Variants in MACROD2 observed in about 807,000 individuals in gnomAD.
The protein encoded by MACROD2 is ADP-ribose glycohydrolase MACROD2.
In MACROD2, 36 loss-of-function variants were observed where a neutral mutation model predicts 70.4. The observed-to-expected ratio is 0.51, with a 90% CI of 0.39 to 0.68. The LOEUF (loss-of-function observed/expected upper bound fraction) is 0.68. Ranked by LOEUF, MACROD2 falls within the 30% of genes least tolerant of loss-of-function variation. The probability of loss-of-function intolerance (pLI) is 0.00; values close to 1 mark genes in which losing one functional copy is unlikely to be tolerated. For missense variants in MACROD2, 496 were observed against 538.4 expected, an observed-to-expected ratio of 0.92 and a Z score of 0.78; for synonymous variants, 172 against 178.8, an observed-to-expected ratio of 0.96 and a Z score of 0.30.
rs1601231663 is a variant in MACROD2 at position 15,965,755 on chromosome 20, G to A, written c.908-1798G>A. Reference sequence around the variant, plus strand: ...ACATCTTAGCTCCAAAATTAAAAGAGCATATTTTAATGGGAGCTGGTTTAA... The same window carrying A: ...ACATCTTAGCTCCAAAATTAAAAGAACATATTTTAATGGGAGCTGGTTTAA... On this transcript the variant is annotated intron_variant, in intron 12 of 17. Coordinates refer to ENST00000684519, the MANE Select transcript of MACROD2 (RefSeq NM_001351661.2). Among the ~76,000 whole-genome samples, 4 of 152,000 alleles carry A rather than the reference G, an allele frequency of 2.6e-5. 1 individual carries two copies. The highest frequency in any genetic ancestry group is 6.8e-3 in the Middle Eastern group (2 of 292).
chr20:15,521,979 C>T (rs2047659134), intron 8 of MACROD2, among the ~76,000 whole-genome samples: 1 of 152,180 alleles, frequency 6.6e-6, no homozygotes, highest in East Asian at 1.9e-4. Context: ...AGAATGGGGT[C>T]AGCAGGTTTA....
chr20:15,862,880 C>A, intron 9 of MACROD2, 54 bp downstream of exon 9: 1 of 1,303,094 alleles, frequency 7.7e-7, no homozygotes, highest in Non-Finnish European at 1.1e-6. Flanking sequence ...AGAAGTGGAG[C>A]CGTCACTTCT....
At chr20:15,359,463 C>T (rs949589793) in intron 6 of MACROD2, among the ~76,000 whole-genome samples, 3 of 151,598 alleles carry the variant, frequency 2.0e-5, no homozygotes, top group Non-Finnish European at 4.4e-5. Context: ...AAAAGAAATG[C>T]AATCTAAATA....
chr20:15,593,772 A>G (rs549832201), intron 8 of MACROD2, among the ~76,000 whole-genome samples: 17 of 152,210 alleles, frequency 1.1e-4, no homozygotes, highest in Non-Finnish European at 2.2e-4. Context: ...GCAGACTTTT[A>G]TTTGGAGCAT....
chr20:14,678,955 A>AG (rs1439452845), intron 4 of MACROD2, among the ~76,000 whole-genome samples: 1 of 152,068 alleles, frequency 6.6e-6, no homozygotes, highest in Non-Finnish European at 1.5e-5. Flanking sequence ...ATTATCAGAA[A>AG]AAAAAAAACA....
chr20:14,073,737 TTATAAA>T (rs2148662462), intron 2 of MACROD2, among the ~76,000 whole-genome samples: 1 of 152,332 alleles, frequency 6.6e-6, no homozygotes, highest in East Asian at 1.9e-4. Flanking sequence ...TTATAAACAA[TTATAAA>T]TGTAATCATT....
At chr20:15,888,022 G>C (rs561044631) in intron 10 of MACROD2, among the ~76,000 whole-genome samples, 2 of 152,126 alleles carry the variant, frequency 1.3e-5, no homozygotes, top group Non-Finnish European at 2.9e-5. Flanking sequence ...GCCCACAGTG[G>C]AATGTGCTCA....
intron 4 of MACROD2, among the ~76,000 whole-genome samples, chr20:14,520,944 C>G (rs543146035): frequency 9.1e-6 from 1 of 110,134 alleles, no homozygotes; most frequent in African/African-American, 3.7e-5. Flanking sequence ...CAGACATGCA[C>G]GCGTGCGTGC....
At chr20:15,980,031 T>C (rs957512445) in intron 13 of MACROD2, among the ~76,000 whole-genome samples, 3 of 152,170 alleles carry the variant, frequency 2.0e-5, no homozygotes, top group Admixed American at 1.3e-4. Flanking sequence ...AGATTTCACA[T>C]GAAAGGGTCG....
chr20:14,747,288 G>A (rs2071811671), intron 5 of MACROD2, among the ~76,000 whole-genome samples: 1 of 152,130 alleles, frequency 6.6e-6, no homozygotes, highest in South Asian at 2.1e-4. Context: ...GATTGTTTGG[G>A]CCAGGGGTTG....
At chr20:16,041,322 G>A in intron 16 of MACROD2, 44 bp downstream of exon 16, 1 of 1,496,414 alleles carries the variant, frequency 6.7e-7, no homozygotes, top group Non-Finnish European at 9.2e-7. Context: ...TACAAATCTG[G>A]CATATTTTCT....
At chr20:14,720,353 C>T (rs1379102579) in intron 5 of MACROD2, among the ~76,000 whole-genome samples, 1 of 151,966 alleles carries the variant, frequency 6.6e-6, no homozygotes, top group Non-Finnish European at 1.5e-5. Flanking sequence ...CTTCTGAAGT[C>T]CCTGACGTAG....
intron 5 of MACROD2, among the ~76,000 whole-genome samples, chr20:14,797,645 T>C (rs1321250092): frequency 6.6e-6 from 1 of 152,114 alleles, no homozygotes; most frequent in Non-Finnish European, 1.5e-5. Context: ...TTCAGCCCTA[T>C]CCCTTTGTAG....
chr20:14,049,849 C>T (rs367813821), intron 2 of MACROD2, among the ~76,000 whole-genome samples: 5 of 151,872 alleles, frequency 3.3e-5, no homozygotes, highest in African/African-American at 4.8e-5. Context: ...TTTGGGAGGC[C>T]GAGGCAGGCA....
At chr20:14,148,622 A>G (rs2054971913) in intron 3 of MACROD2, among the ~76,000 whole-genome samples, 1 of 152,190 alleles carries the variant, frequency 6.6e-6, no homozygotes, top group South Asian at 2.1e-4. Flanking sequence ...TTGGGACCAC[A>G]TTCTTCATAG....
intron 9 of MACROD2, among the ~76,000 whole-genome samples, chr20:15,863,191 C>G (rs1434333499): frequency 6.6e-6 from 1 of 152,104 alleles, no homozygotes; most frequent in East Asian, 1.9e-4. Context: ...CTGCATCTAC[C>G]ATGTTAAATA....
intron 8 of MACROD2, among the ~76,000 whole-genome samples, chr20:15,658,720 ATGT>A (rs750755330): frequency 5.3e-4 from 81 of 152,144 alleles, no homozygotes; most frequent in Non-Finnish European, 9.7e-4. Context: ...TCTTTTCCAG[ATGT>A]TGTGTGCTTT....
rs192420455 is a variant in MACROD2 at position 13,998,259 on chromosome 20, C to T, written c.46+2450C>T. On this transcript the variant is annotated intron_variant, in intron 1 of 17. Transcript: ENST00000684519. Reference sequence around the variant, plus strand: ...TGAAGACCACATATGTTTAAATAAACATGTTTGATCTAGTATTTTGAGTCC... The same window carrying T: ...TGAAGACCACATATGTTTAAATAAATATGTTTGATCTAGTATTTTGAGTCC... 2.2e-3 allele frequency among the ~76,000 whole-genome samples: 333 copies of T among 151,780 alleles called. 2 individuals are homozygous for T. Among genetic ancestry groups the T allele is most frequent in the African/African-American group, 7.6e-3 (315 of 41,378 alleles).
chr20:15,757,829 G>A (rs1439199797), intron 8 of MACROD2, among the ~76,000 whole-genome samples: 1 of 152,114 alleles, frequency 6.6e-6, no homozygotes, highest in African/African-American at 2.4e-5. Context: ...GGGGCCCCAT[G>A]CTCAAGACTT....
Sources: allele counts gnomAD v4.1 joint callset (sites outside exome capture counted in the v4.1 genomes callset), GRCh38; gene constraint gnomAD v4.1.1; transcripts MANE v1.5; gene names NCBI Gene and HGNC (gene_info 2026-07-23, HGNC 2026-07-21).